The following KIF6 variants were observed in gnomAD, a reference collection of about 807,000 sequenced individuals.
The protein encoded by KIF6 is kinesin family member 6.
KIF6 carries 106 observed loss-of-function variants against 112.7 expected under a neutral mutation model. That is an observed-to-expected ratio of 0.94 (90% CI 0.80 to 1.11). The LOEUF (loss-of-function observed/expected upper bound fraction) is 1.11. Among genes scored for constraint, KIF6 ranks in the 50% least tolerant of loss-of-function variants. KIF6 has a pLI of 0.00. For missense variants in KIF6, 929 were observed against 964.0 expected (o/e 0.96, Z 0.48); for synonymous variants, 339 against 339.9 (o/e 1.00, Z 0.03).
At chr6:39,620,676 C>T (rs17652777) in intron 5 of KIF6, among the ~76,000 whole-genome samples, 21,270 of 152,130 alleles carry the variant, frequency 0.14, 1,733 homozygotes, top group Admixed American at 0.24. Context: ...AATTTTCTTA[C>T]ACACACTTTG....
At chr6:39,515,339 A>G (rs1425351375) in intron 13 of KIF6, among the ~76,000 whole-genome samples, 1 of 152,228 alleles carries the variant, frequency 6.6e-6, no homozygotes, top group Non-Finnish European at 1.5e-5. Context: ...GAGAAATAGG[A>G]GTTGACACCA....
At chr6:39,367,008 G>A (rs1237318231) in intron 16 of KIF6, among the ~76,000 whole-genome samples, 1 of 152,126 alleles carries the variant, frequency 6.6e-6, no homozygotes, top group Non-Finnish European at 1.5e-5. Context: ...GAAAGCTGGG[G>A]CAAGGGACCT....
chr6:39,412,086 C>T (rs1769519153), intron 15 of KIF6, among the ~76,000 whole-genome samples: 1 of 152,154 alleles, frequency 6.6e-6, no homozygotes, highest in Non-Finnish European at 1.5e-5. Flanking sequence ...TTCTTGGTGG[C>T]ATTCCAACCA....
At chr6:39,662,766 A>G (rs1786236426) in intron 3 of KIF6, among the ~76,000 whole-genome samples, 1 of 152,224 alleles carries the variant, frequency 6.6e-6, no homozygotes, top group African/African-American at 2.4e-5. Flanking sequence ...CACAAAAGCA[A>G]GGTGTTTCTC....
chr6:39,350,993 A>G (rs1764200931), intron 19 of KIF6, among the ~76,000 whole-genome samples: 1 of 152,068 alleles, frequency 6.6e-6, no homozygotes. Flanking sequence ...GGCAGCAACC[A>G]CAGGGGACAG....
At chr6:39,663,045 C>T (rs1786257880) in intron 3 of KIF6, among the ~76,000 whole-genome samples, 1 of 152,068 alleles carries the variant, frequency 6.6e-6, no homozygotes, top group Non-Finnish European at 1.5e-5. Flanking sequence ...AGGTGCACAC[C>T]GCCATGCCTG....
chr6:39,598,447 T>C (rs1782399096), intron 6 of KIF6, among the ~76,000 whole-genome samples: 2 of 152,246 alleles, frequency 1.3e-5, no homozygotes, highest in South Asian at 4.1e-4. Context: ...TGTGGAAATA[T>C]AAATTAAGAA....
At chr6:39,457,754 T>A (rs1037164172) in intron 13 of KIF6, among the ~76,000 whole-genome samples, 4 of 152,032 alleles carry the variant, frequency 2.6e-5, no homozygotes, top group African/African-American at 9.7e-5. Flanking sequence ...TCTACACAAA[T>A]AAACTAGAAA....
At chr6:39,629,416 C>T (rs898156192) in intron 5 of KIF6, among the ~76,000 whole-genome samples, 1 of 152,046 alleles carries the variant, frequency 6.6e-6, no homozygotes, top group Non-Finnish European at 1.5e-5. Context: ...TCCCTAATGA[C>T]AGGTGATGTT....
chr6:39,332,180 C>T lies in KIF6; in HGVS notation c.*4352G>A, dbSNP rs1275357073. 6.6e-6 allele frequency: 1 copy of T among 152,166 alleles called. No individual in the cohort carries two copies. The highest frequency in any genetic ancestry group is 1.5e-5 in the Non-Finnish European group (1 of 68,048). The allele number at this position is 152,166 out of a possible 1,614,324, so 9.4% of individuals were successfully genotyped here. A position where few individuals can be genotyped will look rare whatever the true frequency, so the allele number is the denominator to read the frequency against. On this transcript the variant is annotated 3_prime_UTR_variant, in exon 23 of 23. Coordinates refer to ENST00000287152, the MANE Select transcript of KIF6 (RefSeq NM_145027.6). ...CAGGCTGTTCTTGAACTCCTGACCT[C>T]AGGTGATCCTCCTGCCTCGGCCTCC...
chr6:39,507,633 CTTTCCCCTTCCTTCCTTCCTTCCTT>C (rs1301858061), intron 13 of KIF6, among the ~76,000 whole-genome samples: 2 of 47,960 alleles, frequency 4.2e-5, no homozygotes, highest in African/African-American at 8.6e-5. Context: ...CTTTCCTTTC[CTTTCCCCTTCCTTCCTTCCTTCCTT>C]CCTTCCTTCC....
Position 39,336,466 on chromosome 6 carries a change from G to A in KIF6, c.*66C>T, listed in dbSNP as rs1195901164. On this transcript the variant is annotated 3_prime_UTR_variant, in exon 23 of 23. Transcript: ENST00000287152. ...CACTTCTGAAGCCAGAGCAAGTGAG[G>A]GGCGCTGCCTTCATCTGTGCTTCAT... The A allele has an allele frequency of 2.7e-6, 4 of 1,493,122 alleles. No homozygotes were observed. In the African/African-American group the frequency reaches 5.5e-5, roughly 21 times the overall value. The allele number at this position is 1,493,122 out of a possible 1,614,324, so 92.5% of individuals were successfully genotyped here.
At chr6:39,426,885 C>T (rs181653581) in intron 14 of KIF6, among the ~76,000 whole-genome samples, 394 of 152,274 alleles carry the variant, frequency 2.6e-3, no homozygotes, top group African/African-American at 8.9e-3. Context: ...CCAATAATCC[C>T]TACATTTGTG....
At chr6:39,530,872 T>C (rs748984770) in intron 13 of KIF6, among the ~76,000 whole-genome samples, 1 of 152,230 alleles carries the variant, frequency 6.6e-6, no homozygotes, top group East Asian at 1.9e-4. Context: ...TTTGGTTTAG[T>C]TTATACAAGC....
chr6:39,590,749 C>T (rs1295072529), intron 7 of KIF6, among the ~76,000 whole-genome samples: 2 of 152,276 alleles, frequency 1.3e-5, no homozygotes, highest in East Asian at 3.9e-4. Context: ...CCATGCCCAA[C>T]CCCTGTTGAT....
At chr6:39,468,713 G>C (rs1773946158) in intron 13 of KIF6, among the ~76,000 whole-genome samples, 1 of 150,452 alleles carries the variant, frequency 6.6e-6, no homozygotes, top group Admixed American at 6.6e-5. Context: ...AAATATGAAA[G>C]GAATTTCTTC....
intron 3 of KIF6, among the ~76,000 whole-genome samples, chr6:39,659,385 T>C (rs1159897552): frequency 2.6e-5 from 4 of 152,156 alleles, no homozygotes; most frequent in Admixed American, 1.3e-4. Flanking sequence ...AGCAGCAGAT[T>C]ACAAAAAAAG....
Position 39,572,582 on chromosome 6 carries a change from T to C in KIF6, c.1181+5474A>G, listed in dbSNP as rs529068956. On this transcript the variant is annotated intron_variant, in intron 10 of 22. Coordinates refer to ENST00000287152, the MANE Select transcript of KIF6 (RefSeq NM_145027.6). ...CAATTTCATCTCGGAAGTGAAACGT[T>C]GCTAACAGAAAATATTTGACTCGCT... is the stretch of plus-strand genomic sequence containing the variant. 1.1e-4 allele frequency among the ~76,000 whole-genome samples: 16 copies of C among 152,008 alleles called. No individual in the cohort carries two copies. In the East Asian group the frequency reaches 3.1e-3, roughly 29 times the overall value.
chr6:39,697,267 G>A (rs1788598369), intron 3 of KIF6, among the ~76,000 whole-genome samples: 1 of 152,070 alleles, frequency 6.6e-6, no homozygotes, highest in African/African-American at 2.4e-5. Context: ...GACAGTGATT[G>A]GTCTGGGGAT....
Sources: gnomAD v4.1 joint callset for allele counts (sites outside exome capture counted in the v4.1 genomes callset) on GRCh38, gnomAD v4.1.1 for gene constraint, MANE v1.5 for transcripts, NCBI Gene and HGNC (gene_info 2026-07-23, HGNC 2026-07-21) for gene names.